Variants in CADM2 observed in about 807,000 individuals in gnomAD.
The protein encoded by CADM2 is cell adhesion molecule 2, also known as immunoglobulin superfamily member 4D.
A neutral mutation model predicts 49.8 loss-of-function variants in CADM2; 12 were observed. That is an observed-to-expected ratio of 0.24 (90% CI 0.15 to 0.39). CADM2 has a LOEUF of 0.39. Ranked by LOEUF, CADM2 falls within the 10% of genes least tolerant of loss-of-function variation. CADM2 has a pLI of 1.00. For missense variants in CADM2, 378 were observed against 492.3 expected (o/e 0.77, Z 2.20); for synonymous variants, 214 against 175.4 (o/e 1.22, Z -1.74).
intron 1 of CADM2, among the ~76,000 whole-genome samples, chr3:85,036,782 T>G (rs1291611395): frequency 6.6e-6 from 1 of 152,034 alleles, no homozygotes; most frequent in Non-Finnish European, 1.5e-5. Flanking sequence ...GGGTAAGTAA[T>G]TTAAGAAAAA....
chr3:85,174,507 T>C (rs1273778849), intron 1 of CADM2, among the ~76,000 whole-genome samples: 1 of 147,290 alleles, frequency 6.8e-6, no homozygotes, highest in Admixed American at 6.6e-5. Flanking sequence ...TGTATGTGTG[T>C]GTATATATAA....
chr3:85,230,280 A>G (rs138404065), intron 1 of CADM2, among the ~76,000 whole-genome samples: 5 of 152,342 alleles, frequency 3.3e-5, no homozygotes, highest in East Asian at 3.9e-4. Flanking sequence ...GTGGATTCCT[A>G]CATTATCAAA....
intron 2 of CADM2, among the ~76,000 whole-genome samples, chr3:85,789,445 G>C (rs563336746): frequency 6.6e-6 from 1 of 152,236 alleles, no homozygotes; most frequent in African/African-American, 2.4e-5. Flanking sequence ...TAAAATCACA[G>C]AAATCATTTT....
chr3:85,222,688 A>T (rs1015305958), intron 1 of CADM2, among the ~76,000 whole-genome samples: 3 of 152,178 alleles, frequency 2.0e-5, no homozygotes, highest in Admixed American at 6.5e-5. Flanking sequence ...ATTGGAGATA[A>T]CACCTAACTC....
At chr3:85,568,395 C>CTTT (rs2062333571) in intron 1 of CADM2, among the ~76,000 whole-genome samples, 3 of 108,816 alleles carry the variant, frequency 2.8e-5, no homozygotes, top group Non-Finnish European at 6.6e-5. Context: ...TTTCCTTCCT[C>CTTT]CCTCTTTCTT....
chr3:86,055,466 T>G (rs1485659166), intron 8 of CADM2, among the ~76,000 whole-genome samples: 8 of 128,892 alleles, frequency 6.2e-5, no homozygotes, highest in East Asian at 5.0e-4. Flanking sequence ...TTTTTTTTTT[T>G]TTTTTTTTTT....
chr3:84,979,988 A>C (rs2107131092), intron 1 of CADM2, among the ~76,000 whole-genome samples: 1 of 152,360 alleles, frequency 6.6e-6, no homozygotes, highest in Non-Finnish European at 1.5e-5. Flanking sequence ...ATTTGTGTTA[A>C]GAAAGCCAAA....
Position 85,072,617 on chromosome 3 carries a change from A to G in CADM2, c.61+112949A>G, listed in dbSNP as rs555001313. Reference sequence around the variant, plus strand: ...CAATGGATTTATGTGTTTAACTCCCATTAACACTAATAGTGGCTTTGTGCA... The same window carrying G: ...CAATGGATTTATGTGTTTAACTCCCGTTAACACTAATAGTGGCTTTGTGCA... On this transcript the variant is annotated intron_variant, in intron 1 of 9. Transcript: ENST00000383699. Among the ~76,000 whole-genome samples the G allele has an allele frequency of 3.8e-4, 58 of 152,204 alleles. 1 individual carries two copies. In the East Asian group the frequency reaches 0.01, roughly 27 times the overall value.
chr3:85,050,618 G>A (rs945461026), intron 1 of CADM2, among the ~76,000 whole-genome samples: 1 of 152,092 alleles, frequency 6.6e-6, no homozygotes, highest in African/African-American at 2.4e-5. Context: ...AAAATGGCTT[G>A]CACAAATGTT....
chr3:85,175,881 A>G (rs907592450), intron 1 of CADM2, among the ~76,000 whole-genome samples: 1 of 151,162 alleles, frequency 6.6e-6, no homozygotes, highest in Admixed American at 6.6e-5. Context: ...CAACTGTTAC[A>G]TAAATGACAC....
intron 1 of CADM2, among the ~76,000 whole-genome samples, chr3:85,253,396 T>C (rs1399036695): frequency 6.6e-6 from 1 of 152,052 alleles, no homozygotes; most frequent in Non-Finnish European, 1.5e-5. Flanking sequence ...TTCTTGATGA[T>C]CACTCTTTTT....
chr3:85,519,556 C>T (rs1327662857), intron 1 of CADM2, among the ~76,000 whole-genome samples: 3 of 151,992 alleles, frequency 2.0e-5, no homozygotes, highest in African/African-American at 7.2e-5. Context: ...AAGCCAATAT[C>T]GTATGGCTTA....
chr3:85,341,112 CT>C (rs942122781), intron 1 of CADM2, among the ~76,000 whole-genome samples: 7 of 149,922 alleles, frequency 4.7e-5, no homozygotes, highest in African/African-American at 1.5e-4. Context: ...CTCTCTTGTC[CT>C]TTTTTTTTAA....
At chr3:85,563,402 G>T (rs1019730441) in intron 1 of CADM2, among the ~76,000 whole-genome samples, 1 of 116,240 alleles carries the variant, frequency 8.6e-6, no homozygotes, top group African/African-American at 2.6e-5. Flanking sequence ...GGGAATTTTT[G>T]TGTGTGTGTG....
intron 1 of CADM2, among the ~76,000 whole-genome samples, chr3:85,707,817 A>G (rs2066998346): frequency 6.6e-6 from 1 of 152,186 alleles, no homozygotes; most frequent in Admixed American, 6.5e-5. Flanking sequence ...ATGTACTTGA[A>G]AAGAATTAGA....
At chr3:85,879,867 T>C (rs1282721760) in intron 3 of CADM2, among the ~76,000 whole-genome samples, 1 of 152,168 alleles carries the variant, frequency 6.6e-6, no homozygotes, top group Non-Finnish European at 1.5e-5. Flanking sequence ...AGTGTGTGTG[T>C]GTTTATATGT....
chr3:85,690,328 G>T (rs7626728), intron 1 of CADM2, among the ~76,000 whole-genome samples: 107,731 of 151,928 alleles, frequency 0.71, 38,461 homozygotes, highest in African/African-American at 0.77. Context: ...TTTGGTAAAA[G>T]TTTAGACTTT....
intron 5 of CADM2, among the ~76,000 whole-genome samples, chr3:85,896,144 A>G (rs1715186585): frequency 1.3e-5 from 2 of 152,212 alleles, no homozygotes; most frequent in Admixed American, 1.3e-4. Context: ...TTTAAAAATT[A>G]GCTGGGTGTG....
intron 1 of CADM2, among the ~76,000 whole-genome samples, chr3:85,417,468 C>T (rs72907212): frequency 0.04 from 6,050 of 152,132 alleles, 407 homozygotes; most frequent in African/African-American, 0.14. Flanking sequence ...TGTCACCAAC[C>T]TATGTTAAGA....
Sources: gnomAD v4.1 joint callset for allele counts (sites outside exome capture counted in the v4.1 genomes callset) on GRCh38, gnomAD v4.1.1 for gene constraint, MANE v1.5 for transcripts, NCBI Gene and HGNC (gene_info 2026-07-23, HGNC 2026-07-21) for gene names.